Variants in FRA10AC1 observed in about 807,000 individuals in gnomAD.
The protein encoded by FRA10AC1 is protein FRA10AC1.
Under a neutral mutation model 56.5 loss-of-function variants are expected in FRA10AC1, and 43 were observed. The ratio of observed to expected loss-of-function variants is 0.76; its 90% confidence interval spans 0.60 to 0.98. The LOEUF is 0.98. Ranked by LOEUF, FRA10AC1 falls within the 50% of genes least tolerant of loss-of-function variation. The pLI is 0.00. For missense variants in FRA10AC1, 346 were observed against 351.8 expected, an observed-to-expected ratio of 0.98 and a Z score of 0.13; for synonymous variants, 112 against 110.5, an observed-to-expected ratio of 1.01 and a Z score of -0.09.
At chr10:93,683,606 C>T (rs2058972803) in intron 10 of FRA10AC1, among the ~76,000 whole-genome samples, 1 of 152,156 alleles carries the variant, frequency 6.6e-6, no homozygotes, top group Admixed American at 6.5e-5. Flanking sequence ...CCAAACTGGC[C>T]TCCCCAAGTG....
In FRA10AC1 at chr10:93,681,539, G is replaced by C. The variant is rs2058934895; in HGVS notation, c.728C>G (p.Ser243Ter). The C allele has an allele frequency of 6.3e-7, 1 of 1,577,192 alleles. No individual in the cohort carries two copies. The highest frequency in any genetic ancestry group is 1.2e-5 in the South Asian group (1 of 84,222). Residue 243 changes from serine (S) to a stop codon, truncating the protein, a stop_gained, in exon 11 of 14, where the codon TCA (serine) becomes TGA (stop). Coordinates refer to ENST00000359204, the MANE Select transcript of FRA10AC1 (RefSeq NM_145246.5). LOFTEE classifies it high-confidence loss of function. ...AGATAATCTGGATTTTTTATGTGAT[G>C]ACTCTTCACAGTCTTTTTTGGTTTT... Reference protein sequence around the residue: ...KDKTKKDCEESSHKKSRLSSA... With the variant: ...KDKTKKDCEE
Position 93,668,261 on chromosome 10 carries a change from TTCA to T in FRA10AC1, c.*1562_*1564del, listed in dbSNP as rs2058710168. ...CATTTTCTATATGTCCTTTCTCTTA[TTCA>T]TCAAGTCAAGCATCTTCTCCTATAT... On this transcript the variant is annotated 3_prime_UTR_variant, in exon 14 of 14. Transcript: ENST00000359204. 1 of 152,198 alleles carries T rather than the reference TTCA, an allele frequency of 6.6e-6. No individual in the cohort carries two copies. The highest frequency in any genetic ancestry group is 2.4e-5 in the African/African-American group (1 of 41,462). 9.4% of individuals were successfully genotyped at this position (152,198 alleles called of 1,614,324 possible).
intron 2 of FRA10AC1, among the ~76,000 whole-genome samples, chr10:93,698,986 A>G (rs903514405): frequency 1.3e-5 from 2 of 152,168 alleles, no homozygotes; most frequent in African/African-American, 4.8e-5. Context: ...CAGGCCAACA[A>G]TGTGAACCAA....
At chr10:93,676,785 G>A in intron 11 of FRA10AC1, 94 bp from the exon 12 acceptor site, 1 of 1,414,372 alleles carries the variant, frequency 7.1e-7, no homozygotes, top group Non-Finnish European at 9.3e-7. Flanking sequence ...ATTCTAGTTT[G>A]CTTATAGTCT....
chr10:93,687,623 T>C (rs1014999396), intron 7 of FRA10AC1, 174 bp from the exon 8 acceptor site: 1 of 606,452 alleles, frequency 1.6e-6, no homozygotes, highest in Non-Finnish European at 2.7e-6. Context: ...CACCAATTTA[T>C]CTGTTAAGAA....
At chr10:93,694,214 A>G (rs2059189357) in intron 5 of FRA10AC1, among the ~76,000 whole-genome samples, 1 of 152,210 alleles carries the variant, frequency 6.6e-6, no homozygotes, top group African/African-American at 2.4e-5. Flanking sequence ...ATCTTTTAAA[A>G]AGCAATCCCA....
chr10:93,670,748 C>A, intron 13 of FRA10AC1, 22 bp downstream of exon 13: 1 of 1,466,072 alleles, frequency 6.8e-7, no homozygotes, highest in Non-Finnish European at 9.6e-7. Context: ...GGTACATATT[C>A]TCTATTAATA....
At position 93,695,643 on chromosome 10, in the gene FRA10AC1, T is replaced by C. The variant is rs1006572583; in HGVS notation, c.220-706A>G. On this transcript the variant is annotated intron_variant, in intron 4 of 13. Transcript: ENST00000359204. ...ATTCTCTGTGACTATTAAACATGTA[T>C]AGTGATTTAACTGATCATAATGTGT... Among the ~76,000 whole-genome samples the C allele has an allele frequency of 3.3e-5, 5 of 151,936 alleles. No individual in the cohort carries two copies. In the East Asian group the frequency reaches 7.7e-4, roughly 23 times the overall value.
At chr10:93,682,618 T>C (rs576679416) in intron 10 of FRA10AC1, among the ~76,000 whole-genome samples, 1 of 151,972 alleles carries the variant, frequency 6.6e-6, no homozygotes, top group Non-Finnish European at 1.5e-5. Flanking sequence ...CTGGGCAACA[T>C]AGGGAAACAC....
At chr10:93,683,930 A>C in intron 10 of FRA10AC1, 126 bp downstream of exon 10, 1 of 683,448 alleles carries the variant, frequency 1.5e-6, no homozygotes, top group Non-Finnish European at 2.6e-6. Flanking sequence ...CGACAATGCC[A>C]CATTTTCTAC....
At chr10:93,681,232 T>C (rs1306039510) in intron 11 of FRA10AC1, among the ~76,000 whole-genome samples, 1 of 152,108 alleles carries the variant, frequency 6.6e-6, no homozygotes, top group Non-Finnish European at 1.5e-5. Context: ...AGCCAGGAAT[T>C]AGAAAACTGT....
chr10:93,679,659 T>C (rs1178851038), intron 11 of FRA10AC1, among the ~76,000 whole-genome samples: 1 of 152,110 alleles, frequency 6.6e-6, no homozygotes, highest in Non-Finnish European at 1.5e-5. Context: ...AAGTTCTGGA[T>C]CACAGAGAAC....
intron 3 of FRA10AC1, 43 bp downstream of exon 3, chr10:93,698,258 G>A (rs1238000012): frequency 2.0e-6 from 3 of 1,517,466 alleles, no homozygotes; most frequent in Non-Finnish European, 2.7e-6. Flanking sequence ...CTAATCCGAA[G>A]CAACTTAAAC....
chr10:93,700,152 T>C, intron 1 of FRA10AC1, 46 bp from the exon 2 acceptor site: 2 of 1,064,450 alleles, frequency 1.9e-6, no homozygotes, highest in Non-Finnish European at 2.8e-6. Context: ...ATGTTGCCAA[T>C]TGTCCAGGAA....
chr10:93,694,505 C>T (rs970574885), intron 5 of FRA10AC1, among the ~76,000 whole-genome samples: 9 of 151,718 alleles, frequency 5.9e-5, no homozygotes, highest in African/African-American at 1.7e-4. Flanking sequence ...CACAAGGTCA[C>T]GAGTTCAAGA....
intron 4 of FRA10AC1, among the ~76,000 whole-genome samples, chr10:93,697,273 A>G (rs1378440790): frequency 6.6e-6 from 1 of 152,192 alleles, no homozygotes; most frequent in Non-Finnish European, 1.5e-5. Context: ...AAAGGAACAA[A>G]TGGCAGATGA....
intron 10 of FRA10AC1, among the ~76,000 whole-genome samples, chr10:93,682,846 T>C (rs1388068474): frequency 6.6e-6 from 1 of 152,118 alleles, no homozygotes; most frequent in African/African-American, 2.4e-5. Context: ...ATAATCCTGC[T>C]AATTTTAAGA....
chr10:93,688,250 A>G (rs2059064615), intron 7 of FRA10AC1, among the ~76,000 whole-genome samples: 1 of 152,170 alleles, frequency 6.6e-6, no homozygotes, highest in African/African-American at 2.4e-5. Flanking sequence ...GAAAAAACCC[A>G]ATCTGAAAAG....
At position 93,685,241 on chromosome 10, in the gene FRA10AC1, C is replaced by T; in HGVS notation, c.625+5G>A. 7.6e-7 allele frequency: 1 copy of T among 1,322,184 alleles called. No homozygotes were observed. Among genetic ancestry groups the T allele is most frequent in the Non-Finnish European group, 1.1e-6 (1 of 921,818 alleles). 81.9% of individuals were successfully genotyped at this position (1,322,184 alleles called of 1,614,324 possible). On this transcript the variant is annotated splice_donor_5th_base_variant and intron_variant, in intron 9 of 13. Transcript: ENST00000359204. ...TCAATCATATACCCCCTAAAATCAA[C>T]TTACTTAATTTAACAAGTGCATTTC...
Sources: allele counts gnomAD v4.1 joint callset (sites outside exome capture counted in the v4.1 genomes callset), GRCh38; gene constraint gnomAD v4.1.1; transcripts MANE v1.5; gene names NCBI Gene and HGNC (gene_info 2026-07-23, HGNC 2026-07-21).